Variants in ADGRB3 observed in about 807,000 individuals in gnomAD.
ADGRB3 encodes adhesion G protein-coupled receptor B3.
Under a neutral mutation model 193.4 loss-of-function variants are expected in ADGRB3, and 37 were observed. The observed-to-expected ratio is 0.19, with a 90% CI of 0.15 to 0.25. The LOEUF is 0.25. Among genes scored for constraint, ADGRB3 ranks in the 10% least tolerant of loss-of-function variants. The pLI, the probability that ADGRB3 is intolerant of heterozygous loss-of-function variation, is 1.00. For synonymous variants in ADGRB3, 690 were observed against 644.2 expected (o/e 1.07, Z -1.08); for missense variants, 1,637 against 1,852.9 (o/e 0.88, Z 2.14).
chr6:68,802,183 CGTGTGT>C (rs9294808), intron 3 of ADGRB3, among the ~76,000 whole-genome samples: 54 of 142,730 alleles, frequency 3.8e-4, no homozygotes, highest in African/African-American at 7.6e-4. Flanking sequence ...TGCACATATG[CGTGTGT>C]GTGTGTGTGT....
chr6:69,052,319 T>G (rs568522539), intron 15 of ADGRB3, among the ~76,000 whole-genome samples: 2 of 152,362 alleles, frequency 1.3e-5, no homozygotes, highest in East Asian at 3.9e-4. Flanking sequence ...GTAATTTTAC[T>G]ATATGTTTGT....
intron 11 of ADGRB3, among the ~76,000 whole-genome samples, chr6:69,001,572 A>G (rs925279134): frequency 5.9e-5 from 9 of 152,102 alleles, no homozygotes; most frequent in Non-Finnish European, 1.2e-4. Flanking sequence ...AAAAGAAGAG[A>G]GCGTGTCTTA....
At chr6:69,021,789 C>CT (rs1770278472) in intron 13 of ADGRB3, among the ~76,000 whole-genome samples, 1 of 151,742 alleles carries the variant, frequency 6.6e-6, no homozygotes, top group Non-Finnish European at 1.5e-5. Flanking sequence ...TTCGAAGCTT[C>CT]TTTTTTTCTG....
intron 3 of ADGRB3, among the ~76,000 whole-genome samples, chr6:68,661,214 T>G (rs1048003318): frequency 6.7e-6 from 1 of 148,194 alleles, no homozygotes; most frequent in African/African-American, 2.5e-5. Flanking sequence ...GGGAATATAT[T>G]TAATAAATAC....
At chr6:68,864,151 G>A (rs569007079) in intron 3 of ADGRB3, among the ~76,000 whole-genome samples, 2 of 152,170 alleles carry the variant, frequency 1.3e-5, no homozygotes, top group African/African-American at 2.4e-5. Flanking sequence ...AGTCTTATAT[G>A]AATAAAGTTC....
chr6:69,063,031 G>A lies in ADGRB3; in HGVS notation c.2431G>A (p.Ala811Thr). 6.2e-7 allele frequency: 1 copy of A among 1,609,098 alleles called. No homozygotes were observed. The highest frequency in any genetic ancestry group is 8.5e-7 in the Non-Finnish European group (1 of 1,176,070). ...SFLEIELAHLANGTLNPYCVL... is the reference protein window; with the variant it reads ...SFLEIELAHLTNGTLNPYCVL... ...TCTGGAGATAGAACTAGCTCATTTG[G>A]CTAATGTAAGTACCATCCACTGGGC... Residue 811 changes from alanine (A) to threonine (T), a missense_variant, in exon 16 of 32, where the codon GCT becomes ACT. Physicochemically the swap from Ala to Thr is moderately conservative, Grantham distance 58 (BLOSUM62 0). Coordinates refer to ENST00000370598, the MANE Select transcript of ADGRB3 (RefSeq NM_001704.3).
intron 10 of ADGRB3, among the ~76,000 whole-genome samples, chr6:68,978,206 T>A (rs3798983): frequency 6.6e-6 from 1 of 151,282 alleles, no homozygotes; most frequent in South Asian, 2.1e-4. Context: ...TTTAAAGTAT[T>A]GTTTCAATAA....
At chr6:69,088,802 G>A (rs1411204141) in intron 17 of ADGRB3, among the ~76,000 whole-genome samples, 2 of 152,158 alleles carry the variant, frequency 1.3e-5, no homozygotes, top group Non-Finnish European at 1.5e-5. Context: ...CATAATTCAG[G>A]CTCTTATTTT....
intron 17 of ADGRB3, among the ~76,000 whole-genome samples, chr6:69,182,738 A>G (rs1009631670): frequency 1.3e-5 from 2 of 152,026 alleles, no homozygotes; most frequent in East Asian, 1.9e-4. Context: ...AATGTTAACA[A>G]TAGACTCTCA....
intron 11 of ADGRB3, among the ~76,000 whole-genome samples, chr6:69,003,512 T>A (rs550287933): frequency 5.3e-5 from 8 of 151,948 alleles, no homozygotes; most frequent in Non-Finnish European, 1.0e-4. Flanking sequence ...CCTGGCTCAG[T>A]AGAAAATAAG....
intron 17 of ADGRB3, among the ~76,000 whole-genome samples, chr6:69,170,800 G>A (rs1775252648): frequency 6.6e-6 from 1 of 152,046 alleles, no homozygotes; most frequent in Non-Finnish European, 1.5e-5. Flanking sequence ...AGTAAAGATG[G>A]GGAATTCAGA....
chr6:68,660,512 C>T (rs1051073084), intron 3 of ADGRB3, among the ~76,000 whole-genome samples: 1 of 150,836 alleles, frequency 6.6e-6, no homozygotes, highest in African/African-American at 2.4e-5. Context: ...TGTGAATTCT[C>T]CTTTCAAGGT....
rs977033099 is a variant in ADGRB3, at chr6:68,949,046, T to C, written c.1195+5052T>C. ...TACAGGATTGACATATTATTATAATTAGGTAGAAATACTTTGAATAGTAAA... is the reference window on the plus strand; with the variant it reads ...TACAGGATTGACATATTATTATAATCAGGTAGAAATACTTTGAATAGTAAA... On this transcript the variant is annotated intron_variant, in intron 6 of 31. Coordinates refer to ENST00000370598, the MANE Select transcript of ADGRB3 (RefSeq NM_001704.3). 3.3e-5 allele frequency among the ~76,000 whole-genome samples: 5 copies of C among 152,222 alleles called. No individual in the cohort carries two copies. The East Asian group carries it at 7.7e-4, about 24-fold the overall frequency.
At chr6:69,087,828 G>A (rs532002186) in intron 17 of ADGRB3, among the ~76,000 whole-genome samples, 13 of 152,264 alleles carry the variant, frequency 8.5e-5, no homozygotes, top group South Asian at 4.2e-4. Context: ...ATGAGTCTAC[G>A]TCACAGGTGA....
At chr6:69,136,969 CT>C (rs1475885931) in intron 17 of ADGRB3, among the ~76,000 whole-genome samples, 1 of 151,752 alleles carries the variant, frequency 6.6e-6, no homozygotes, top group Non-Finnish European at 1.5e-5. Flanking sequence ...TGGTTTCCTC[CT>C]TTTTAAAAAT....
chr6:68,967,210 C>A (rs535077533), intron 8 of ADGRB3, among the ~76,000 whole-genome samples: 5 of 152,202 alleles, frequency 3.3e-5, no homozygotes, highest in African/African-American at 1.2e-4. Flanking sequence ...TACTGTGGAA[C>A]AAAACAAAAA....
chr6:69,157,921 G>A (rs948779522), intron 17 of ADGRB3, among the ~76,000 whole-genome samples: 2 of 152,106 alleles, frequency 1.3e-5, no homozygotes, highest in African/African-American at 4.8e-5. Flanking sequence ...CCTCTATTAA[G>A]AGTTGTTTTT....
chr6:68,978,454 C>T (rs1582366650), intron 10 of ADGRB3, among the ~76,000 whole-genome samples: 1 of 151,440 alleles, frequency 6.6e-6, no homozygotes, highest in East Asian at 1.9e-4. Context: ...TTTGTACATG[C>T]ATACATACAC....
chr6:68,984,491 A>G (rs1330811936), intron 10 of ADGRB3, among the ~76,000 whole-genome samples: 1 of 152,194 alleles, frequency 6.6e-6, no homozygotes, highest in Non-Finnish European at 1.5e-5. Flanking sequence ...GAAGTCATCA[A>G]CACAAAGAAC....
Sources: allele counts gnomAD v4.1 joint callset (sites outside exome capture counted in the v4.1 genomes callset), GRCh38; gene constraint gnomAD v4.1.1; transcripts MANE v1.5; gene names NCBI Gene and HGNC (gene_info 2026-07-23, HGNC 2026-07-21).